The following TUBGCP6 variants were observed in gnomAD, a reference collection of about 807,000 sequenced individuals.
TUBGCP6 encodes the protein gamma-tubulin complex component 6.
A neutral mutation model predicts 175.8 loss-of-function variants in TUBGCP6; 161 were observed. The ratio of observed to expected loss-of-function variants is 0.92; its 90% confidence interval spans 0.81 to 1.04. TUBGCP6 has a LOEUF of 1.04. Among genes scored for constraint, TUBGCP6 ranks in the 50% least tolerant of loss-of-function variants. TUBGCP6 has a pLI of 0.00. For synonymous variants in TUBGCP6, 1,173 were observed against 1,030.5 expected, an observed-to-expected ratio of 1.14 and a Z score of -2.65; for missense variants, 2,572 against 2,433.0, an observed-to-expected ratio of 1.06 and a Z score of -1.20.
chr22:50,227,235 C>T (rs530264231), intron 5 of TUBGCP6, among the ~76,000 whole-genome samples, 158 bp from the exon 6 acceptor site: 19 of 152,220 alleles, frequency 1.2e-4, no homozygotes, highest in African/African-American at 2.6e-4. Flanking sequence ...CACCCAGAAA[C>T]GGGCTCCCTG....
rs754285487 is a variant in TUBGCP6 at position 50,244,117 on chromosome 22, C to T, written c.343G>A (p.Val115Ile). 6.2e-7 allele frequency: 1 copy of T among 1,613,710 alleles called. No individual in the cohort carries two copies. The highest frequency in any genetic ancestry group is 1.3e-5 in the African/African-American group (1 of 75,052). Reference protein sequence around the residue: ...LEVGSVLDLLVQLAGSGPPQV... With the variant: ...LEVGSVLDLLIQLAGSGPPQV... ...GGGGGACCACTCCCTGCCAGCTGAA[C>T]CAGGAGGTCCAAAACAGACCCCACC... The change falls in exon 1 of 25, where the codon GTT (valine) becomes ATT (isoleucine). Residue 115 changes from valine (V) to isoleucine (I), a missense_variant. Coordinates refer to ENST00000248846, the MANE Select transcript of TUBGCP6 (RefSeq NM_020461.4).
At position 50,233,535 on chromosome 22, in the gene TUBGCP6, G is replaced by C. The variant is rs759120643; in HGVS notation, c.906-9C>G. On this transcript the variant is annotated splice_polypyrimidine_tract_variant and intron_variant, in intron 2 of 24. Transcript: ENST00000248846. Reference sequence around the variant, plus strand: ...CTCTGTGGCCAGGGGGGCTGCGAGGGGTGCAGAAGAGAGGCCATGAGCAGA... The same window carrying C: ...CTCTGTGGCCAGGGGGGCTGCGAGGCGTGCAGAAGAGAGGCCATGAGCAGA... 1 of 1,594,726 alleles carries C rather than the reference G, an allele frequency of 6.3e-7. No homozygotes were observed.
chr22:50,219,525 ATGGAGCACGTGC>A, intron 18 of TUBGCP6, 69 bp from the exon 19 acceptor site: 3 of 1,587,086 alleles, frequency 1.9e-6, no homozygotes, highest in Non-Finnish European at 2.6e-6. Context: ...TCCACAGGAG[ATGGAGCACGTGC>A]TGGGAACTGG....
At chr22:50,241,057 A>C (rs2064832738) in intron 1 of TUBGCP6, among the ~76,000 whole-genome samples, 1 of 152,250 alleles carries the variant, frequency 6.6e-6, no homozygotes, top group Non-Finnish European at 1.5e-5. Flanking sequence ...AAATATATAG[A>C]ACAAGAATAG....
chr22:50,220,326 C>A lies in TUBGCP6; in HGVS notation c.4033G>T (p.Glu1345Ter). ...GTGGGAGCCACGTCTGACACGTTCT[C>A]CCCCACGCTGATGCTCCCCTCCCCG... ...GCGEGSISVGENVSDVAPTQP... is the reference protein window; with the variant it reads ...GCGEGSISVG Residue 1345 changes from glutamate (E) to a stop codon, truncating the protein, a stop_gained, in exon 16 of 25, where the codon GAG (glutamate) becomes TAG (stop). Transcript: ENST00000248846. LOFTEE classifies it high-confidence loss of function. The A allele has an allele frequency of 6.3e-7, 1 of 1,578,140 alleles. No homozygotes were observed. Among genetic ancestry groups the A allele is most frequent in the South Asian group, 1.2e-5 (1 of 86,530 alleles).
In TUBGCP6 at chr22:50,243,805, C is replaced by A. The variant is rs137934849; in HGVS notation, c.655G>T (p.Val219Leu). ...DTRVSLFGAL[V>L]HSRTYDMDVR... ...TCCATGTCATAAGTGCGGCTGTGCA[C>A]AAGGGCCCCGAAGAGCGAGACCCGG... Residue 219 changes from valine (V) to leucine (L), a missense_variant, in exon 1 of 25, where the codon GTG (valine) becomes TTG (leucine). Physicochemically the swap from Val to Leu is conservative, Grantham distance 32. Transcript: ENST00000248846. 4.2e-4 allele frequency: 684 copies of A among 1,613,680 alleles called. 1 individual carries two copies. The highest frequency in any genetic ancestry group is 3.6e-3 in the Middle Eastern group (22 of 6,060).
rs1303059585 is a variant in TUBGCP6, at chr22:50,244,407, G to A, written c.53C>T (p.Ala18Val). ...FDDLCEALLPAAKTHLGQRSV... is the reference protein window; with the variant it reads ...FDDLCEALLPVAKTHLGQRSV... ...GCGCTGGCCCAGGTGAGTCTTGGCAGCCGGCAGGAGGGCCTCACACAGGTC... is the reference window on the plus strand; with the variant it reads ...GCGCTGGCCCAGGTGAGTCTTGGCAACCGGCAGGAGGGCCTCACACAGGTC... Residue 18 changes from alanine (A) to valine (V), a missense_variant, in exon 1 of 25, where the codon GCT (alanine) becomes GTT (valine). By Grantham distance (64) the Ala-to-Val change is moderately conservative. Coordinates refer to ENST00000248846, the MANE Select transcript of TUBGCP6 (RefSeq NM_020461.4). 6.2e-7 allele frequency: 1 copy of A among 1,612,972 alleles called. No individual in the cohort carries two copies. The highest frequency in any genetic ancestry group is 1.3e-5 in the African/African-American group (1 of 74,946).
chr22:50,227,870 G>T, intron 5 of TUBGCP6, 37 bp downstream of exon 5: 1 of 1,559,980 alleles, frequency 6.4e-7, no homozygotes, highest in Non-Finnish European at 8.7e-7. Context: ...CACCGCTCCC[G>T]CAAAGTCCCC....
At chr22:50,241,030 G>A (rs2064832311) in intron 1 of TUBGCP6, among the ~76,000 whole-genome samples, 1 of 152,224 alleles carries the variant, frequency 6.6e-6, no homozygotes, top group Admixed American at 6.5e-5. Flanking sequence ...GAGGGCACGA[G>A]CTGTTCTAGT....
Position 50,244,610 on chromosome 22 carries a change from A to C in TUBGCP6, c.-151T>G. On this transcript the variant is annotated 5_prime_UTR_variant, in exon 1 of 25. Transcript: ENST00000248846. ...CCGAAGCTCAGAACTGGTATTTTTT[A>C]AAGGAGGTCTTGCGGTTGCTCTACT... 1.7e-6 allele frequency: 2 copies of C among 1,170,814 alleles called. No homozygotes were observed. Among genetic ancestry groups the C allele is most frequent in the Non-Finnish European group, 2.3e-6 (2 of 865,418 alleles). The allele number at this position is 1,170,814 out of a possible 1,614,324, so 72.5% of individuals were successfully genotyped here.
At position 50,227,906 on chromosome 22, in the gene TUBGCP6, C is replaced by T. The variant is rs2064636036; in HGVS notation, c.1412+1G>A. 1 of 1,574,372 alleles carries T rather than the reference C, an allele frequency of 6.4e-7. No homozygotes were observed. The highest frequency in any genetic ancestry group is 8.6e-7 in the Non-Finnish European group (1 of 1,159,734). ...TGCTCAGCCGCCATGCTGAGGCTCA[C>T]CTGAGCTGCCGGCCAAGTTTCTTGA... is the stretch of plus-strand genomic sequence containing the variant. On this transcript the variant is annotated splice_donor_variant, in intron 5 of 24. Transcript: ENST00000248846. LOFTEE classifies it high-confidence loss of function.
Position 50,244,732 on chromosome 22 carries a change from C to A in TUBGCP6, c.-273G>T. On this transcript the variant is annotated 5_prime_UTR_variant, in exon 1 of 25. Coordinates refer to ENST00000248846, the MANE Select transcript of TUBGCP6 (RefSeq NM_020461.4). ...CTCGGCGTTTCTTCTAATTCAGTAG[C>A]CCTCAACCTTTAGGGAGTCACAGAA... 2.1e-6 allele frequency: 1 copy of A among 485,956 alleles called. No individual in the cohort carries two copies. 30.1% of individuals were successfully genotyped at this position (485,956 alleles called of 1,614,324 possible).
intron 6 of TUBGCP6, 43 bp from the exon 7 acceptor site, chr22:50,226,885 G>C (rs745674972): frequency 6.4e-7 from 1 of 1,558,426 alleles, no homozygotes; most frequent in Non-Finnish European, 8.7e-7. Context: ...AGCGCACCCA[G>C]CGCTGGGAGT....
chr22:50,221,901 G>A (rs1471807654), intron 15 of TUBGCP6, 27 bp from the exon 16 acceptor site: 2 of 1,536,836 alleles, frequency 1.3e-6, no homozygotes, highest in South Asian at 1.2e-5. Flanking sequence ...ATCAGACCCA[G>A]TCTGGTCTCA....
At chr22:50,230,676 G>A (rs2064676049) in intron 3 of TUBGCP6, among the ~76,000 whole-genome samples, 1 of 151,700 alleles carries the variant, frequency 6.6e-6, no homozygotes, top group Non-Finnish European at 1.5e-5. Flanking sequence ...TACTCGGGAG[G>A]CTGAGGCAGG....
At chr22:50,232,378 GA>G (rs2064704938) in intron 3 of TUBGCP6, among the ~76,000 whole-genome samples, 2 of 12,804 alleles carry the variant, frequency 1.6e-4, no homozygotes, top group African/African-American at 7.0e-4. Flanking sequence ...AAAAAAAAAA[GA>G]AAAAGAAAAA....
chr22:50,218,737 G>C lies in TUBGCP6; in HGVS notation c.4787C>G (p.Pro1596Arg). The C allele has an allele frequency of 6.2e-7, 1 of 1,613,992 alleles. No individual in the cohort carries two copies. Among genetic ancestry groups the C allele is most frequent in the South Asian group, 1.1e-5 (1 of 91,078 alleles). Residue 1596 changes from proline (P) to arginine (R), a missense_variant, in exon 21 of 25, where the codon CCG becomes CGG. Coordinates refer to ENST00000248846, the MANE Select transcript of TUBGCP6 (RefSeq NM_020461.4). ...GAGCTCCAGGCAGCTCAGCACATCCGGGGCGTTGGGGGCAAACACCTCGGG... is the reference window on the plus strand; with the variant it reads ...GAGCTCCAGGCAGCTCAGCACATCCCGGGCGTTGGGGGCAAACACCTCGGG... ...YLPEVFAPNA[P>R]DVLSCLELRY...
rs1443452056 is a variant in TUBGCP6, at chr22:50,218,523, G to A, written c.4919C>T (p.Ala1640Val). The stretch of plus-strand genomic sequence containing the variant: ...GAGGTGGAAGCAGACGTCCTTGAGC[G>A]CCCACATCATGAGCTTCAGCTGCAG... ...FLLQLKLMMW[A>V]LKDVCFHLKR... Residue 1640 changes from alanine (A) to valine (V), a missense_variant, in exon 22 of 25, where the codon GCG becomes GTG. Coordinates refer to ENST00000248846, the MANE Select transcript of TUBGCP6 (RefSeq NM_020461.4). The A allele has an allele frequency of 9.3e-6, 15 of 1,613,578 alleles. No homozygotes were observed. The highest frequency in any genetic ancestry group is 5.5e-5 in the South Asian group (5 of 91,092).
In TUBGCP6 at chr22:50,219,085, C is replaced by A; in HGVS notation, c.4609G>T (p.Asp1537Tyr). The stretch of plus-strand genomic sequence containing the variant: ...GAGGCCACCTTCTCAAAGAGCAGGT[C>A]GCTGAGGGACTGGGCGAACTCGCCG... ...EDGEFAQSLS[D>Y]LLFEKLGAGQ... Residue 1537 changes from aspartate to tyrosine, a missense_variant, in exon 20 of 25, where the codon GAC becomes TAC. By Grantham distance (160) the Asp-to-Tyr change is radical (BLOSUM62 -3). Coordinates refer to ENST00000248846, the MANE Select transcript of TUBGCP6 (RefSeq NM_020461.4). 1.2e-6 allele frequency: 2 copies of A among 1,612,508 alleles called. No homozygotes were observed. The highest frequency in any genetic ancestry group is 1.7e-6 in the Non-Finnish European group (2 of 1,179,964).
Sources: gnomAD v4.1 joint callset for allele counts (sites outside exome capture counted in the v4.1 genomes callset) on GRCh38, gnomAD v4.1.1 for gene constraint, MANE v1.5 for transcripts, NCBI Gene and HGNC (gene_info 2026-07-23, HGNC 2026-07-21) for gene names.